KLF3: variants seen among roughly 807,000 people sequenced by gnomAD.
KLF3 encodes Krueppel-like factor 3.
KLF3 carries 6 observed loss-of-function variants against 32.7 expected under a neutral mutation model. The observed-to-expected ratio is 0.18, with a 90% confidence interval of 0.10 to 0.36. The LOEUF (loss-of-function observed/expected upper bound fraction) is 0.36. Among genes scored for constraint, KLF3 ranks in the 10% least tolerant of loss-of-function variants. KLF3 has a pLI of 1.00. For synonymous variants in KLF3, 145 were observed against 172.8 expected (o/e 0.84, Z 1.26); for missense variants, 338 against 449.7 (o/e 0.75, Z 2.25).
At position 38,698,217 on chromosome 4, in the gene KLF3, G is replaced by T. The variant is rs1358748373; in HGVS notation, c.*954G>T. On this transcript the variant is annotated 3_prime_UTR_variant, in exon 6 of 6. Transcript: ENST00000261438. ...CAAACATTGATAGTAGGGACTCCAT[G>T]GAATATTTGCCCAGTAATGGTAAGA... The T allele has an allele frequency of 1.3e-5, 2 of 152,274 alleles. No homozygotes were observed. Among genetic ancestry groups the T allele is most frequent in the Non-Finnish European group, 2.9e-5 (2 of 68,036 alleles). 9.4% of individuals were successfully genotyped at this position (152,274 alleles called of 1,614,324 possible).
At chr4:38,681,707 G>C (rs1207642641) in intron 2 of KLF3, among the ~76,000 whole-genome samples, 1 of 152,210 alleles carries the variant, frequency 6.6e-6, no homozygotes, top group East Asian at 1.9e-4. Flanking sequence ...CTCCCACTCT[G>C]TCTTGCTCTT....
intron 4 of KLF3, 137 bp downstream of exon 4, chr4:38,690,016 C>A: frequency 1.4e-6 from 1 of 725,132 alleles, no homozygotes; most frequent in Non-Finnish European, 2.2e-6. Context: ...GCCACTGGTC[C>A]AGTACCACTG....
At chr4:38,665,351 C>T (rs9522) in intron 1 of KLF3, among the ~76,000 whole-genome samples, 64,262 of 151,904 alleles carry the variant, frequency 0.42, 14,076 homozygotes, top group Non-Finnish European at 0.45. Context: ...ATGGGACCTA[C>T]CTAACATTTC....
At position 38,688,315 on chromosome 4, in the gene KLF3, A is replaced by G. The variant is rs546901802; in HGVS notation, c.58-270A>G. On this transcript the variant is annotated intron_variant, in intron 2 of 5. Coordinates refer to ENST00000261438, the MANE Select transcript of KLF3 (RefSeq NM_016531.6). This position sits in a 1 kb window ranked among gnomAD's most constrained non-coding sequence, Gnocchi z 4.9. ...GGCCTTAATGTTTGACACAGGAATCATCTTAGGATTAAATTTCAGATTTTT... is the reference window on the plus strand; with the variant it reads ...GGCCTTAATGTTTGACACAGGAATCGTCTTAGGATTAAATTTCAGATTTTT... Among the ~76,000 whole-genome samples, 95 of 152,316 alleles carry G rather than the reference A, an allele frequency of 6.2e-4. No individual in the cohort carries two copies. The highest frequency in any genetic ancestry group is 3.4e-3 in the Middle Eastern group (1 of 294).
In KLF3 at chr4:38,674,441, T is replaced by C. The variant is rs1460695898; in HGVS notation, c.-39-6146T>C. Among the ~76,000 whole-genome samples the C allele has an allele frequency of 6.6e-6, 1 of 151,846 alleles. No individual in the cohort carries two copies. Among genetic ancestry groups the C allele is most frequent in the Non-Finnish European group, 1.5e-5 (1 of 67,918 alleles). Reference sequence around the variant, plus strand: ...CACACATGCACACACCGCCTTTTTTTTTTTTCTTTTTTTGCCTTAAGTTCC... The same window carrying C: ...CACACATGCACACACCGCCTTTTTTCTTTTTCTTTTTTTGCCTTAAGTTCC... On this transcript the variant is annotated intron_variant, in intron 1 of 5. Coordinates refer to ENST00000261438, the MANE Select transcript of KLF3 (RefSeq NM_016531.6). This position sits in a 1 kb window ranked among gnomAD's most constrained non-coding sequence, Gnocchi z 4.1.
chr4:38,670,208 CCCTGGGTCTGGCTCTTACCCTGTTT>C (rs1398633677), intron 1 of KLF3, among the ~76,000 whole-genome samples: 1 of 152,082 alleles, frequency 6.6e-6, no homozygotes, highest in Non-Finnish European at 1.5e-5. Flanking sequence ...TTCATGTAAC[CCCTGGGTCTGGCTCTTACCCTGTTT>C]CCTGTAAGGG....
At position 38,674,103 on chromosome 4, in the gene KLF3, A is replaced by G. The variant is rs1169766363; in HGVS notation, c.-39-6484A>G. ...AATTTTTCTCCTTTTCAAACCAGTCATAGAAGAGTAGGACAGGTGAAAATC... is the reference window on the plus strand; with the variant it reads ...AATTTTTCTCCTTTTCAAACCAGTCGTAGAAGAGTAGGACAGGTGAAAATC... On this transcript the variant is annotated intron_variant, in intron 1 of 5. Coordinates refer to ENST00000261438, the MANE Select transcript of KLF3 (RefSeq NM_016531.6). This position sits in a 1 kb window ranked among gnomAD's most constrained non-coding sequence, Gnocchi z 4.1. Among the ~76,000 whole-genome samples the G allele has an allele frequency of 1.3e-5, 2 of 152,244 alleles. No homozygotes were observed. The highest frequency in any genetic ancestry group is 2.9e-5 in the Non-Finnish European group (2 of 68,040).
intron 1 of KLF3, among the ~76,000 whole-genome samples, chr4:38,665,297 C>G (rs1047292789): frequency 6.6e-6 from 1 of 152,072 alleles, no homozygotes; most frequent in Non-Finnish European, 1.5e-5. Context: ...TGCCTGCAGC[C>G]GAGCCTGATG....
rs1723107051 is a variant in KLF3, at chr4:38,698,260, T to G, written c.*997T>G. 2 of 152,380 alleles carry G rather than the reference T, an allele frequency of 1.3e-5. No homozygotes were observed. Among genetic ancestry groups the G allele is most frequent in the Admixed American group, 6.5e-5 (1 of 15,280 alleles). The allele number at this position is 152,380 out of a possible 1,614,324, so 9.4% of individuals were successfully genotyped here. A position where few individuals can be genotyped will look rare whatever the true frequency, so the allele number is the denominator to read the frequency against. On this transcript the variant is annotated 3_prime_UTR_variant, in exon 6 of 6. Transcript: ENST00000261438. ...TGGTAAGAAATCTTTCGGGTAAGAGTATGGATGGTTCTTCTTTTACCCAAT... is the reference window on the plus strand; with the variant it reads ...TGGTAAGAAATCTTTCGGGTAAGAGGATGGATGGTTCTTCTTTTACCCAAT...
chr4:38,682,775 T>C (rs1007243389), intron 2 of KLF3, among the ~76,000 whole-genome samples: 3 of 152,246 alleles, frequency 2.0e-5, no homozygotes, highest in Admixed American at 1.3e-4. Flanking sequence ...TAGTAATACA[T>C]GAAGTTAAAA....
chr4:38,679,358 A>G (rs1722448306), intron 1 of KLF3, among the ~76,000 whole-genome samples: 1 of 152,250 alleles, frequency 6.6e-6, no homozygotes, highest in Non-Finnish European at 1.5e-5. Flanking sequence ...TTGAGACTTA[A>G]CAAGTTGGCA....
At chr4:38,683,644 C>A (rs1722602686) in intron 2 of KLF3, among the ~76,000 whole-genome samples, 2 of 150,584 alleles carry the variant, frequency 1.3e-5, no homozygotes, top group African/African-American at 2.4e-5. Context: ...TTTTTTTTAC[C>A]ATTTCCCAAA....
rs538711286 is a variant in KLF3, at chr4:38,690,230, G to A, written c.695+351G>A. 4.5e-4 allele frequency: 97 copies of A among 216,680 alleles called. 2 individuals carry two copies. The South Asian group carries it at 0.01, about 23-fold the overall frequency. The allele number at this position is 216,680 out of a possible 1,614,324, so 13.4% of individuals were successfully genotyped here. On this transcript the variant is annotated intron_variant, in intron 4 of 5. Coordinates refer to ENST00000261438, the MANE Select transcript of KLF3 (RefSeq NM_016531.6). ...AATCCTTGTATAGATTAAACTTGGT[G>A]TTCTGTGGATCATGTAAAGTTTTCA... is the stretch of plus-strand genomic sequence containing the variant.
chr4:38,669,152 A>G (rs920814639), intron 1 of KLF3, among the ~76,000 whole-genome samples: 1 of 152,216 alleles, frequency 6.6e-6, no homozygotes, highest in African/African-American at 2.4e-5. Context: ...TTAAGGTACT[A>G]GGAATTACAA....
chr4:38,692,021 C>T (rs1431095833), intron 4 of KLF3, among the ~76,000 whole-genome samples: 1 of 152,176 alleles, frequency 6.6e-6, no homozygotes, highest in African/African-American at 2.4e-5. Context: ...TTTATAAAGG[C>T]ACTCAAAGGT....
At chr4:38,684,519 T>C (rs999191826) in intron 2 of KLF3, among the ~76,000 whole-genome samples, 2 of 147,704 alleles carry the variant, frequency 1.4e-5, no homozygotes, top group Non-Finnish European at 3.0e-5. Context: ...TTTGTGGAGG[T>C]TTTTTTGTTT....
intron 4 of KLF3, among the ~76,000 whole-genome samples, chr4:38,694,011 G>A (rs1409217299): frequency 1.3e-5 from 2 of 152,320 alleles, no homozygotes; most frequent in African/African-American, 2.4e-5. Context: ...CCGGCACCAC[G>A]TGAGCCAGCA....
chr4:38,670,027 G>A (rs116273216), intron 1 of KLF3, among the ~76,000 whole-genome samples: 1,878 of 150,924 alleles, frequency 0.012, 49 homozygotes, highest in African/African-American at 0.044. Flanking sequence ...TGTATCCGTT[G>A]GCCAGAGAGT....
intron 1 of KLF3, among the ~76,000 whole-genome samples, chr4:38,672,134 A>C (rs939450586): frequency 6.6e-6 from 1 of 152,210 alleles, no homozygotes; most frequent in Non-Finnish European, 1.5e-5. Flanking sequence ...GGTCTCCCTT[A>C]GAGTTAGGCC....
Sources: allele counts gnomAD v4.1 joint callset (sites outside exome capture counted in the v4.1 genomes callset), GRCh38; gene constraint gnomAD v4.1.1; non-coding constraint Gnocchi (gnomAD v3.1); transcripts MANE v1.5; gene names NCBI Gene and HGNC (gene_info 2026-07-23, HGNC 2026-07-21).